The following GRIK2 variants were observed in gnomAD, a reference collection of about 807,000 sequenced individuals.
GRIK2 encodes the protein glutamate receptor ionotropic, kainate 2.
In GRIK2, 32 loss-of-function variants were observed where a neutral mutation model predicts 100.3. The observed-to-expected ratio is 0.32, with a 90% confidence interval of 0.24 to 0.43. The LOEUF (loss-of-function observed/expected upper bound fraction) is 0.43. Among genes scored for constraint, GRIK2 ranks in the 20% least tolerant of loss-of-function variants. The pLI is 1.00. For synonymous variants in GRIK2, 417 were observed against 389.4 expected (o/e 1.07, Z -0.83); for missense variants, 843 against 1,114.9 (o/e 0.76, Z 3.47).
chr6:101,579,609 T>G (rs532638392), intron 2 of GRIK2, among the ~76,000 whole-genome samples: 1 of 152,048 alleles, frequency 6.6e-6, no homozygotes, highest in Admixed American at 6.6e-5. Flanking sequence ...TCCCAGCACT[T>G]TGGGAGGCCA....
At chr6:101,925,394 C>A (rs951486408) in intron 13 of GRIK2, among the ~76,000 whole-genome samples, 17 of 149,850 alleles carry the variant, frequency 1.1e-4, no homozygotes, top group Admixed American at 8.6e-4. Context: ...TTATATGTAA[C>A]TATGAATCTA....
At chr6:101,426,911 C>G (rs780453838) in intron 2 of GRIK2, among the ~76,000 whole-genome samples, 18 of 152,156 alleles carry the variant, frequency 1.2e-4, no homozygotes, top group South Asian at 8.3e-4. Context: ...TCTAGACAAT[C>G]CAAACAATAT....
intron 10 of GRIK2, among the ~76,000 whole-genome samples, chr6:101,834,786 A>G (rs1451838738): frequency 6.6e-6 from 1 of 152,048 alleles, no homozygotes; most frequent in Non-Finnish European, 1.5e-5. Flanking sequence ...ATGACTTGAC[A>G]CCTGAAGTTC....
chr6:101,975,847 C>CTATCTATCTATA (rs1321099912), intron 14 of GRIK2, among the ~76,000 whole-genome samples: 1 of 151,574 alleles, frequency 6.6e-6, no homozygotes, highest in South Asian at 2.1e-4. Context: ...ATCTATCTAT[C>CTATCTATCTATA]CCTCCATCCA....
chr6:101,518,457 G>C (rs10485270), intron 2 of GRIK2, among the ~76,000 whole-genome samples: 2 of 151,928 alleles, frequency 1.3e-5, no homozygotes, highest in African/African-American at 4.8e-5. Flanking sequence ...TAGTTGTTAC[G>C]CAGAATAAGT....
At chr6:102,058,248 ATTC>A (rs753618474) in intron 16 of GRIK2, among the ~76,000 whole-genome samples, 100 of 151,758 alleles carry the variant, frequency 6.6e-4, no homozygotes, top group Non-Finnish European at 1.0e-3. Flanking sequence ...CACATATTAA[ATTC>A]TTCTTGCTGT....
chr6:101,614,047 T>C (rs1779794714), intron 2 of GRIK2, among the ~76,000 whole-genome samples: 1 of 151,778 alleles, frequency 6.6e-6, no homozygotes, highest in East Asian at 2.0e-4. Context: ...TTGTCATTCC[T>C]GGAGGCCAAT....
intron 7 of GRIK2, among the ~76,000 whole-genome samples, chr6:101,763,845 T>C (rs1777879901): frequency 6.6e-6 from 1 of 152,094 alleles, no homozygotes; most frequent in African/African-American, 2.4e-5. Context: ...TTTTTTGTTT[T>C]TTTTTCCTGG....
At chr6:101,870,753 A>G (rs1785360958) in intron 11 of GRIK2, among the ~76,000 whole-genome samples, 1 of 151,870 alleles carries the variant, frequency 6.6e-6, no homozygotes, top group African/African-American at 2.4e-5. Flanking sequence ...ACTTATTAAC[A>G]GAGTTTTGAA....
chr6:101,397,782 C>T (rs1028130341), intron 1 of GRIK2, among the ~76,000 whole-genome samples: 1 of 151,932 alleles, frequency 6.6e-6, no homozygotes, highest in African/African-American at 2.4e-5. Context: ...TTAACCTATG[C>T]CCTGTTAGTT....
chr6:101,980,255 C>A (rs1793635075), intron 14 of GRIK2, among the ~76,000 whole-genome samples: 1 of 151,876 alleles, frequency 6.6e-6, no homozygotes, highest in East Asian at 1.9e-4. Context: ...TTGAAAAGTA[C>A]AAATGATTCT....
chr6:101,835,597 A>G (rs1360509370), intron 10 of GRIK2, among the ~76,000 whole-genome samples: 1 of 148,404 alleles, frequency 6.7e-6, no homozygotes, highest in East Asian at 2.1e-4. Flanking sequence ...CAGCCCCCCG[A>G]GCAGCTAGGA....
intron 10 of GRIK2, among the ~76,000 whole-genome samples, chr6:101,820,576 G>T (rs903320597): frequency 5.9e-5 from 9 of 152,112 alleles, no homozygotes; most frequent in African/African-American, 2.2e-4. Context: ...TTCCTGAGTA[G>T]CTGGGACTAC....
At chr6:102,060,327 A>C (rs1184002715) in intron 16 of GRIK2, among the ~76,000 whole-genome samples, 1 of 150,842 alleles carries the variant, frequency 6.6e-6, no homozygotes, top group Non-Finnish European at 1.5e-5. Context: ...TATAAATCAG[A>C]GTAGTAGAAG....
chr6:101,798,775 C>T (rs1054427579), intron 7 of GRIK2, among the ~76,000 whole-genome samples: 1 of 152,050 alleles, frequency 6.6e-6, no homozygotes, highest in African/African-American at 2.4e-5. Context: ...AGCCTGGCAT[C>T]GATCTGTCAA....
chr6:101,944,983 TAAAC>T (rs1308672770), intron 14 of GRIK2, among the ~76,000 whole-genome samples: 1 of 152,044 alleles, frequency 6.6e-6, no homozygotes, highest in Non-Finnish European at 1.5e-5. Context: ...CTTGGAAAGA[TAAAC>T]AGACATAACT....
intron 12 of GRIK2, among the ~76,000 whole-genome samples, chr6:101,893,823 G>A (rs1370475338): frequency 2.0e-5 from 3 of 151,540 alleles, no homozygotes; most frequent in Non-Finnish European, 4.4e-5. Flanking sequence ...GAACCCAACT[G>A]AATATGTTAT....
intron 2 of GRIK2, among the ~76,000 whole-genome samples, chr6:101,454,766 C>T (rs752934254): frequency 5.9e-5 from 9 of 152,054 alleles, no homozygotes; most frequent in Non-Finnish European, 1.0e-4. Context: ...AGGCATAAAT[C>T]TTACTGGGGA....
At chr6:101,989,055 C>G (rs1009906897) in intron 14 of GRIK2, among the ~76,000 whole-genome samples, 1 of 151,916 alleles carries the variant, frequency 6.6e-6, no homozygotes, top group African/African-American at 2.4e-5. Flanking sequence ...CAATCTTGTT[C>G]TATTATGAAT....
Sources: allele counts gnomAD v4.1 joint callset (sites outside exome capture counted in the v4.1 genomes callset), GRCh38; gene constraint gnomAD v4.1.1; transcripts MANE v1.5; gene names NCBI Gene and HGNC (gene_info 2026-07-23, HGNC 2026-07-21).